The following HTT variants were observed in gnomAD, a reference collection of about 807,000 sequenced individuals.
HTT encodes the protein huntington disease protein.
Under a neutral mutation model 362.3 loss-of-function variants are expected in HTT, and 104 were observed. That is an observed-to-expected ratio of 0.29 (90% CI 0.24 to 0.34). The LOEUF (loss-of-function observed/expected upper bound fraction) is 0.34. HTT is among the 10% of genes least tolerant of loss of function. The pLI is 1.00. For missense variants in HTT, 3,301 were observed against 3,928.6 expected, an observed-to-expected ratio of 0.84 and a Z score of 4.27; for synonymous variants, 1,577 against 1,548.7, an observed-to-expected ratio of 1.02 and a Z score of -0.43.
At chr4:3,080,760 AT>A (rs1374693090) in intron 1 of HTT, among the ~76,000 whole-genome samples, 1 of 152,178 alleles carries the variant, frequency 6.6e-6, no homozygotes, top group Non-Finnish European at 1.5e-5. Flanking sequence ...TTTTGAGTTA[AT>A]TTTTATATAT....
chr4:3,220,107 C>T (rs934101033), intron 52 of HTT, 75 bp from the exon 53 acceptor site: 19 of 1,552,300 alleles, frequency 1.2e-5, no homozygotes, highest in African/African-American at 1.1e-4. Context: ...GGAGAGAAGT[C>T]GGGCTTCCTG....
chr4:3,140,389 G>A (rs1419581305), intron 21 of HTT, 121 bp from the exon 22 acceptor site: 2 of 753,828 alleles, frequency 2.7e-6, no homozygotes, highest in South Asian at 3.6e-5. Context: ...GAAAGGGGGC[G>A]AGAAGTGGTG....
chr4:3,192,797 A>G (rs1396629133), intron 40 of HTT, among the ~76,000 whole-genome samples: 1 of 152,234 alleles, frequency 6.6e-6, no homozygotes, highest in African/African-American at 2.4e-5. Context: ...CACATTTTGC[A>G]TACATATCTT....
At chr4:3,148,716 T>G (rs1437211941) in intron 26 of HTT, among the ~76,000 whole-genome samples, 1 of 152,160 alleles carries the variant, frequency 6.6e-6, no homozygotes, top group Admixed American at 6.5e-5. Context: ...GAGAATGGCG[T>G]GAATCCGGGA....
At chr4:3,199,464 C>T (rs959012908) in intron 40 of HTT, among the ~76,000 whole-genome samples, 3 of 151,506 alleles carry the variant, frequency 2.0e-5, no homozygotes, top group Non-Finnish European at 4.4e-5. Context: ...AGCTTGAAAC[C>T]GGAAGGTGGA....
intron 6 of HTT, 117 bp from the exon 7 acceptor site, chr4:3,115,187 A>T (rs775126824): frequency 9.3e-7 from 1 of 1,078,934 alleles, no homozygotes; most frequent in Non-Finnish European, 1.3e-6. Flanking sequence ...GAAAAGCCTC[A>T]AACTGTTTAT....
intron 46 of HTT, 72 bp downstream of exon 46, chr4:3,208,983 G>T: frequency 1.4e-6 from 2 of 1,469,460 alleles, no homozygotes; most frequent in Non-Finnish European, 1.8e-6. Context: ...CAGATACAGA[G>T]AGTGCAGAGG....
intron 33 of HTT, 37 bp downstream of exon 33, chr4:3,175,144 C>G (rs748710218): frequency 1.7e-5 from 26 of 1,564,514 alleles, no homozygotes; most frequent in Non-Finnish European, 2.1e-5. Flanking sequence ...CATACCTGTT[C>G]CTAATTTAGT....
At chr4:3,229,842 A>G (rs1721164769) in intron 59 of HTT, 45 bp from the exon 60 acceptor site, 1 of 1,605,748 alleles carries the variant, frequency 6.2e-7, no homozygotes, top group Non-Finnish European at 8.5e-7. Flanking sequence ...CTGGATTCTA[A>G]CAGCGCGATT....
rs1051252956 is a variant in HTT at position 3,215,122 on chromosome 4, C to T, written c.6965C>T (p.Pro2322Leu). The T allele has an allele frequency of 6.2e-7, 1 of 1,613,758 alleles. No individual in the cohort carries two copies. The highest frequency in any genetic ancestry group is 1.7e-5 in the Admixed American group (1 of 60,002). The change falls in exon 51 of 67, where the codon CCT becomes CTT. Residue 2322 changes from proline to leucine, a missense_variant. Pro to Leu is a moderately conservative substitution (Grantham distance 98, BLOSUM62 -3). This residue lies in a region of HTT where 220 missense variants were observed against 218.5 expected (regional missense o/e 1.01). Coordinates refer to ENST00000355072, the MANE Select transcript of HTT (RefSeq NM_001388492.1). ...GTTGTAATTTTAGTTGCAGTGCAGC[C>T]TGGAGAGCAGCTTCTTAGTCCAGAA... ...HFILEAVAVQPGEQLLSPERR... is the reference protein window; with the variant it reads ...HFILEAVAVQLGEQLLSPERR...
chr4:3,095,268 C>T (rs1038116524), intron 2 of HTT, among the ~76,000 whole-genome samples: 2 of 152,250 alleles, frequency 1.3e-5, no homozygotes, highest in African/African-American at 4.8e-5. Flanking sequence ...ACTCCGTCTG[C>T]AATCCCGGCA....
chr4:3,187,760 C>G lies in HTT; in HGVS notation c.5099C>G (p.Ser1700Cys), dbSNP rs774757519. The G allele has an allele frequency of 5.6e-6, 9 of 1,613,542 alleles. No individual in the cohort carries two copies. The highest frequency in any genetic ancestry group is 7.6e-6 in the Non-Finnish European group (9 of 1,179,436). The change falls in exon 39 of 67, where the codon TCC becomes TGC. Residue 1700 changes from serine (S) to cysteine (C), a missense_variant. This residue lies in a region of HTT where 2,316 missense variants were observed against 2,658.5 expected (regional missense o/e 0.87). Coordinates refer to ENST00000355072, the MANE Select transcript of HTT (RefSeq NM_001388492.1). Reference protein sequence around the residue: ...DIVLSRIQELSFSPYLISCTV... With the variant: ...DIVLSRIQELCFSPYLISCTV... ...GTTCTTTCTCGTATTCAGGAGCTCT[C>G]CTTCTCTCCGTATTTAATCTCCTGT... is the stretch of plus-strand genomic sequence containing the variant.
At chr4:3,113,240 A>G (rs537253748) in intron 6 of HTT, among the ~76,000 whole-genome samples, 12 of 152,146 alleles carry the variant, frequency 7.9e-5, no homozygotes, top group Admixed American at 3.3e-4. Context: ...TTTATTCTTT[A>G]TTATTCCAAA....
At chr4:3,138,996 G>A (rs1482803674) in intron 21 of HTT, among the ~76,000 whole-genome samples, 3 of 152,164 alleles carry the variant, frequency 2.0e-5, no homozygotes, top group South Asian at 2.1e-4. Context: ...ATAAAAAAAC[G>A]AAATAATCTT....
chr4:3,121,154 AAAC>A, intron 8 of HTT, 71 bp from the exon 9 acceptor site: 1 of 1,136,210 alleles, frequency 8.8e-7, no homozygotes, highest in Non-Finnish European at 1.3e-6. Flanking sequence ...GTCCTATTAA[AAAC>A]AACAAAAAAG....
chr4:3,235,159 G>T lies in HTT; in HGVS notation c.8457-125G>T, dbSNP rs1331337137. On this transcript the variant is annotated intron_variant, in intron 61 of 66. Coordinates refer to ENST00000355072, the MANE Select transcript of HTT (RefSeq NM_001388492.1). ...CAGGGGCCTGGGGGAGCCACTCAGG[G>T]TAGGCGCTCCCGGGAGCCCGCCTGG... The T allele has an allele frequency of 1.2e-5, 8 of 694,720 alleles. No homozygotes were observed. The East Asian group carries it at 1.8e-4, about 16-fold the overall frequency. The allele number at this position is 694,720 out of a possible 1,614,324, so 43.0% of individuals were successfully genotyped here.
chr4:3,222,550 G>T lies in HTT; in HGVS notation c.7470+63G>T, dbSNP rs1005144594. 7 of 1,246,578 alleles carry T rather than the reference G, an allele frequency of 5.6e-6. No individual in the cohort carries two copies. The African/African-American group carries it at 1.1e-4, about 19-fold the overall frequency. The allele number at this position is 1,246,578 out of a possible 1,614,324, so 77.2% of individuals were successfully genotyped here. ...TTATGGCCGCTTGCAGGCCTTTGGTGGGGAATAAAATAAGGCAGCAAGCTG... is the reference window on the plus strand; with the variant it reads ...TTATGGCCGCTTGCAGGCCTTTGGTTGGGAATAAAATAAGGCAGCAAGCTG... On this transcript the variant is annotated intron_variant, in intron 54 of 66. Transcript: ENST00000355072.
At chr4:3,130,198 C>A (rs371698927) in intron 13 of HTT, 107 bp from the exon 14 acceptor site, 7 of 1,067,698 alleles carry the variant, frequency 6.6e-6, no homozygotes, top group Non-Finnish European at 8.2e-6. Context: ...AATAATCATA[C>A]TTTTTCTTGA....
At chr4:3,224,484 C>G (rs551652426) in intron 56 of HTT, among the ~76,000 whole-genome samples, 2 of 152,366 alleles carry the variant, frequency 1.3e-5, no homozygotes, top group Admixed American at 6.5e-5. Context: ...CCTAAGAAAC[C>G]ATGTGTGGCA....
Sources: gnomAD v4.1 joint callset for allele counts (sites outside exome capture counted in the v4.1 genomes callset) on GRCh38, gnomAD v4.1.1 for gene constraint, gnomAD v4.1.1 regional missense constraint, MANE v1.5 for transcripts, NCBI Gene and HGNC (gene_info 2026-07-23, HGNC 2026-07-21) for gene names.